Variants in GDI2 observed in about 807,000 individuals in gnomAD.
GDI2 encodes rab GDP dissociation inhibitor beta.
GDI2 carries 22 observed loss-of-function variants against 54.2 expected under a neutral mutation model. The ratio of observed to expected loss-of-function variants is 0.41; its 90% CI spans 0.29 to 0.58. The LOEUF (loss-of-function observed/expected upper bound fraction) is 0.58. Among genes scored for constraint, GDI2 ranks in the 20% least tolerant of loss-of-function variants. The pLI, the probability that GDI2 is intolerant of heterozygous loss-of-function variation, is 0.35. For missense variants in GDI2, 422 were observed against 546.0 expected (o/e 0.77, Z 2.26); for synonymous variants, 177 against 182.1 (o/e 0.97, Z 0.23).
At chr10:5,799,436 G>A (rs1841218653) in intron 2 of GDI2, among the ~76,000 whole-genome samples, 1 of 152,144 alleles carries the variant, frequency 6.6e-6, no homozygotes, top group South Asian at 2.1e-4. Flanking sequence ...CAGATCACAT[G>A]AGGTCAGGGG....
At chr10:5,781,061 G>T (rs1007874935) in intron 6 of GDI2, among the ~76,000 whole-genome samples, 1 of 151,818 alleles carries the variant, frequency 6.6e-6, no homozygotes, top group Non-Finnish European at 1.5e-5. Context: ...ACAAAACTGA[G>T]TCCCAAAACA....
chr10:5,806,409 A>C (rs1037877133), intron 1 of GDI2, among the ~76,000 whole-genome samples: 1 of 150,978 alleles, frequency 6.6e-6, no homozygotes, highest in African/African-American at 2.4e-5. Flanking sequence ...AAAATTTAAA[A>C]AAAAAAAAAC....
intron 8 of GDI2, among the ~76,000 whole-genome samples, chr10:5,767,762 A>C (rs1446432666): frequency 6.6e-6 from 1 of 152,236 alleles, no homozygotes; most frequent in African/African-American, 2.4e-5. Context: ...TAAGACAAAT[A>C]AGTTAGGACT....
chr10:5,790,373 G>A (rs1840985141), intron 4 of GDI2, among the ~76,000 whole-genome samples: 2 of 152,300 alleles, frequency 1.3e-5, no homozygotes, highest in South Asian at 2.1e-4. Flanking sequence ...GCCAGGTGCG[G>A]TGGCTCACAC....
intron 3 of GDI2, 80 bp from the exon 4 acceptor site, chr10:5,795,099 A>C (rs1168175842): frequency 1.9e-5 from 17 of 875,454 alleles, no homozygotes; most frequent in Non-Finnish European, 3.1e-5. Flanking sequence ...CAGCTTCTAA[A>C]ATTTTTTCTA....
intron 4 of GDI2, among the ~76,000 whole-genome samples, chr10:5,790,183 T>G (rs947074316): frequency 6.6e-6 from 1 of 152,200 alleles, no homozygotes; most frequent in South Asian, 2.1e-4. Context: ...GCGGCTGCAG[T>G]TGCCCGCCAT....
At chr10:5,806,507 C>CT (rs1332797218) in intron 1 of GDI2, among the ~76,000 whole-genome samples, 3 of 151,638 alleles carry the variant, frequency 2.0e-5, no homozygotes, top group Non-Finnish European at 4.4e-5. Context: ...TTTAAATGGG[C>CT]TTTTTCTCGC....
chr10:5,804,096 C>CTTTTTTTTT (rs34897650), intron 1 of GDI2, among the ~76,000 whole-genome samples: 1 of 147,274 alleles, frequency 6.8e-6, no homozygotes, highest in Non-Finnish European at 1.5e-5. Flanking sequence ...ATCATTCTTT[C>CTTTTTTTTT]TTTTTTTTTT....
intron 1 of GDI2, chr10:5,812,022 A>T (rs1040394239): frequency 2.6e-6 from 1 of 387,376 alleles, no homozygotes; most frequent in African/African-American, 2.2e-5. Context: ...AAAAATTTGA[A>T]GTGGAAGTCT....
intron 2 of GDI2, among the ~76,000 whole-genome samples, chr10:5,800,277 A>T (rs185473376): frequency 3.2e-3 from 478 of 150,280 alleles, no homozygotes; most frequent in African/African-American, 0.011. Flanking sequence ...AATGGAGATT[A>T]AAAAAAAAAT....
chr10:5,781,158 C>G lies in GDI2; in HGVS notation c.719+3984G>C, dbSNP rs186685811. On this transcript the variant is annotated intron_variant, in intron 6 of 10. Coordinates refer to ENST00000380191, the MANE Select transcript of GDI2 (RefSeq NM_001494.4). The stretch of plus-strand genomic sequence containing the variant: ...TTTCCAACAAATGCAGCTAAAACAA[C>G]TAAATATTCGTATGTAAAAAAAAAA... Among the ~76,000 whole-genome samples the G allele has an allele frequency of 1.3e-3, 194 of 148,060 alleles. 1 individual carries two copies. Among genetic ancestry groups the G allele is most frequent in the African/African-American group, 4.5e-3 (185 of 40,662 alleles).
chr10:5,808,097 G>A (rs899084706), intron 1 of GDI2, among the ~76,000 whole-genome samples: 3 of 152,162 alleles, frequency 2.0e-5, no homozygotes, highest in Non-Finnish European at 4.4e-5. Flanking sequence ...AACACTTTGG[G>A]AGGACGAGGC....
intron 1 of GDI2, among the ~76,000 whole-genome samples, chr10:5,811,290 A>G (rs1440587995): frequency 6.6e-6 from 1 of 152,208 alleles, no homozygotes; most frequent in Non-Finnish European, 1.5e-5. Flanking sequence ...CAGCTACAAA[A>G]TGACAGCAGA....
chr10:5,765,679 C>T lies in GDI2; in HGVS notation c.*327G>A, dbSNP rs1402535388. 1 of 197,508 alleles carries T rather than the reference C, an allele frequency of 5.1e-6. No homozygotes were observed. The highest frequency in any genetic ancestry group is 6.0e-5 in the Admixed American group (1 of 16,578). 12.2% of individuals were successfully genotyped at this position (197,508 alleles called of 1,614,324 possible). A position where few individuals can be genotyped will look rare whatever the true frequency, so the allele number is the denominator to read the frequency against. ...CTGTATGGATCCAGCTCTTGAGCAGCAGCAGCACATAGCTACACTGATTAA... is the reference window on the plus strand; with the variant it reads ...CTGTATGGATCCAGCTCTTGAGCAGTAGCAGCACATAGCTACACTGATTAA... On this transcript the variant is annotated 3_prime_UTR_variant, in exon 11 of 11. Transcript: ENST00000380191.
intron 1 of GDI2, among the ~76,000 whole-genome samples, chr10:5,806,994 C>T (rs926919139): frequency 6.6e-6 from 1 of 151,954 alleles, no homozygotes; most frequent in African/African-American, 2.4e-5. Flanking sequence ...AAGATGTGGC[C>T]GAGTCCAAAG....
At chr10:5,784,081 T>C (rs1840819914) in intron 6 of GDI2, among the ~76,000 whole-genome samples, 1 of 152,240 alleles carries the variant, frequency 6.6e-6, no homozygotes, top group African/African-American at 2.4e-5. Context: ...CAATTATTCT[T>C]AGGCTTGGTT....
At chr10:5,799,166 A>C (rs905485482) in intron 2 of GDI2, among the ~76,000 whole-genome samples, 1 of 151,282 alleles carries the variant, frequency 6.6e-6, no homozygotes, top group African/African-American at 2.4e-5. Flanking sequence ...ACACAGAGAG[A>C]CCCCATCTCT....
At position 5,774,846 on chromosome 10, in the gene GDI2, C is replaced by T. The variant is rs1840582514; in HGVS notation, c.720-905G>A. Reference sequence around the variant, plus strand: ...GGCCTTGTGCAGTCGCGGGACTATCCACATCAGAGGCAAATCTGCCATTTC... The same window carrying T: ...GGCCTTGTGCAGTCGCGGGACTATCTACATCAGAGGCAAATCTGCCATTTC... On this transcript the variant is annotated intron_variant, in intron 6 of 10. Coordinates refer to ENST00000380191, the MANE Select transcript of GDI2 (RefSeq NM_001494.4). This position sits in a 1 kb window ranked among gnomAD's most constrained non-coding sequence, Gnocchi z 4.8. Among the ~76,000 whole-genome samples the T allele has an allele frequency of 6.6e-6, 1 of 152,080 alleles. No individual in the cohort carries two copies. The highest frequency in any genetic ancestry group is 1.5e-5 in the Non-Finnish European group (1 of 68,032).
rs973619673 is a variant in GDI2, at chr10:5,776,075, C to G, written c.720-2134G>C. ...CGGAGTCTATGAAAATAATGGATCC[C>G]TCAACCTGGCTCATCAACAGAGCAG... On this transcript the variant is annotated intron_variant, in intron 6 of 10. Transcript: ENST00000380191. The surrounding 1 kb of genome is among the most constrained non-coding windows in gnomAD (Gnocchi z 5.3). 2 of 200,526 alleles carry G rather than the reference C, an allele frequency of 1.0e-5. No homozygotes were observed. Among genetic ancestry groups the G allele is most frequent in the Non-Finnish European group, 2.1e-5 (2 of 94,450 alleles). The allele number at this position is 200,526 out of a possible 1,614,324, so 12.4% of individuals were successfully genotyped here. A position where few individuals can be genotyped will look rare whatever the true frequency, so the allele number is the denominator to read the frequency against.
Sources: allele counts gnomAD v4.1 joint callset (sites outside exome capture counted in the v4.1 genomes callset), GRCh38; gene constraint gnomAD v4.1.1; non-coding constraint Gnocchi (gnomAD v3.1); transcripts MANE v1.5; gene names NCBI Gene and HGNC (gene_info 2026-07-23, HGNC 2026-07-21).